The following FNDC3B variants were observed in gnomAD, a reference collection of about 807,000 sequenced individuals.
The protein encoded by FNDC3B is fibronectin type III domain containing 3B.
In FNDC3B, 12 loss-of-function variants were observed where a neutral mutation model predicts 151.5. The observed-to-expected ratio is 0.08, with a 90% CI of 0.05 to 0.13. The LOEUF is 0.13. Ranked by LOEUF, FNDC3B falls within the 10% of genes least tolerant of loss-of-function variation. FNDC3B has a pLI of 1.00. For missense variants in FNDC3B, 1,214 were observed against 1,505.3 expected (o/e 0.81, Z 3.20); for synonymous variants, 528 against 549.0 (o/e 0.96, Z 0.54).
intron 9 of FNDC3B, among the ~76,000 whole-genome samples, chr3:172,300,432 C>T (rs925835926): frequency 1.3e-5 from 2 of 151,510 alleles, no homozygotes; most frequent in African/African-American, 4.9e-5. Context: ...AGAGTCTTCT[C>T]TTTATTTACC....
chr3:172,229,843 G>A (rs975874413), intron 4 of FNDC3B, among the ~76,000 whole-genome samples: 4 of 152,134 alleles, frequency 2.6e-5, no homozygotes, highest in Admixed American at 6.5e-5. Flanking sequence ...ATCTATACCT[G>A]CAAAGAATGA....
intron 3 of FNDC3B, among the ~76,000 whole-genome samples, chr3:172,155,600 C>G (rs1253274213): frequency 6.6e-6 from 1 of 152,188 alleles, no homozygotes; most frequent in Non-Finnish European, 1.5e-5. Flanking sequence ...AGTGTTTTCC[C>G]CTTTCCTGGA....
At chr3:172,050,857 T>G (rs1171295779) in intron 1 of FNDC3B, among the ~76,000 whole-genome samples, 4 of 152,114 alleles carry the variant, frequency 2.6e-5, no homozygotes, top group Non-Finnish European at 5.9e-5. Context: ...CTGTCATTTT[T>G]GTGGCCTACT....
intron 21 of FNDC3B, among the ~76,000 whole-genome samples, chr3:172,351,769 C>T (rs1733868233): frequency 6.6e-6 from 1 of 152,012 alleles, no homozygotes; most frequent in African/African-American, 2.4e-5. Flanking sequence ...GAAAGGTGTC[C>T]AGAGATGACT....
intron 1 of FNDC3B, among the ~76,000 whole-genome samples, chr3:172,098,107 C>T (rs771186454): frequency 1.3e-5 from 2 of 151,370 alleles, no homozygotes; most frequent in Non-Finnish European, 2.9e-5. Flanking sequence ...CGTAAGATAA[C>T]ACTGTTGGAA....
rs116018322 is a variant in FNDC3B, at chr3:172,313,484, G to A, written c.1254+2603G>A. 8.6e-3 allele frequency among the ~76,000 whole-genome samples: 1,307 copies of A among 152,266 alleles called. 25 individuals are homozygous for A. The highest frequency in any genetic ancestry group is 0.03 in the African/African-American group (1,240 of 41,566). Reference sequence around the variant, plus strand: ...TATTTAGGATTGTCTCTTCTGACAAGAGAATATTTGGAATCATTTTCACTG... The same window carrying A: ...TATTTAGGATTGTCTCTTCTGACAAAAGAATATTTGGAATCATTTTCACTG... On this transcript the variant is annotated intron_variant, in intron 11 of 25. Coordinates refer to ENST00000415807, the MANE Select transcript of FNDC3B (RefSeq NM_022763.4).
At position 172,056,420 on chromosome 3, in the gene FNDC3B, T is replaced by C. The variant is rs1716923353; in HGVS notation, c.-29+16649T>C. 2.6e-5 allele frequency among the ~76,000 whole-genome samples: 4 copies of C among 152,230 alleles called. No homozygotes were observed. The South Asian group carries it at 8.3e-4, about 31-fold the overall frequency. ...TGCTTCTTGGGTATTCTTGAGCCCT[T>C]GTCTATAGATAATAGCCGGTTACAA... is the stretch of plus-strand genomic sequence containing the variant. On this transcript the variant is annotated intron_variant, in intron 1 of 25. Transcript: ENST00000415807.
At chr3:172,310,803 A>G (rs1311150302) in intron 10 of FNDC3B, 25 bp from the exon 11 acceptor site, 2 of 1,577,070 alleles carry the variant, frequency 1.3e-6, no homozygotes, top group East Asian at 2.2e-5. Context: ...AACTTTCTCT[A>G]ATCTCATGTT....
intron 6 of FNDC3B, among the ~76,000 whole-genome samples, chr3:172,263,425 A>T (rs1215120901): frequency 3.9e-5 from 6 of 152,098 alleles, no homozygotes; most frequent in Non-Finnish European, 8.8e-5. Context: ...GCACATTTTT[A>T]AAAAATTCAT....
intron 3 of FNDC3B, among the ~76,000 whole-genome samples, chr3:172,180,430 G>T (rs1045558656): frequency 3.9e-5 from 6 of 152,054 alleles, no homozygotes; most frequent in African/African-American, 9.7e-5. Context: ...AGAACCCATG[G>T]TTCCCTCAAG....
At chr3:172,333,478 T>A in intron 14 of FNDC3B, among the ~76,000 whole-genome samples, 1 of 148,024 alleles carries the variant, frequency 6.8e-6, no homozygotes. Context: ...TGTGCCACTA[T>A]GCCCGGCTAA....
chr3:172,379,401 A>C (rs1735318212), intron 24 of FNDC3B, among the ~76,000 whole-genome samples: 2 of 152,250 alleles, frequency 1.3e-5, no homozygotes, highest in South Asian at 4.1e-4. Context: ...CACATGAAGG[A>C]GGTGTGTCAG....
At chr3:172,201,478 A>C (rs1243983722) in intron 3 of FNDC3B, among the ~76,000 whole-genome samples, 1 of 152,150 alleles carries the variant, frequency 6.6e-6, no homozygotes, top group Non-Finnish European at 1.5e-5. Flanking sequence ...TTCTTCTGCC[A>C]CTGGGCTCTT....
chr3:172,215,420 C>T (rs537320459), intron 3 of FNDC3B, among the ~76,000 whole-genome samples: 1 of 152,312 alleles, frequency 6.6e-6, no homozygotes, highest in South Asian at 2.1e-4. Flanking sequence ...GAATGACAGG[C>T]AACCCTGTTA....
At chr3:172,042,076 A>C (rs1340289619) in intron 1 of FNDC3B, among the ~76,000 whole-genome samples, 1 of 146,622 alleles carries the variant, frequency 6.8e-6, no homozygotes, top group African/African-American at 2.5e-5. Context: ...AATTACTTTA[A>C]GATAAAAAAA....
At chr3:172,218,650 C>G (rs1206579228) in intron 3 of FNDC3B, among the ~76,000 whole-genome samples, 1 of 152,220 alleles carries the variant, frequency 6.6e-6, no homozygotes, top group East Asian at 1.9e-4. Context: ...AGTCCTGCAA[C>G]AACCCTTGAA....
chr3:172,366,949 C>T (rs185761718), intron 23 of FNDC3B, among the ~76,000 whole-genome samples: 26 of 152,258 alleles, frequency 1.7e-4, no homozygotes, highest in Non-Finnish European at 3.4e-4. Flanking sequence ...ATTTTCAGAC[C>T]TGGTGCTTTC....
At chr3:172,380,239 A>G (rs1735368946) in intron 24 of FNDC3B, among the ~76,000 whole-genome samples, 1 of 152,140 alleles carries the variant, frequency 6.6e-6, no homozygotes, top group South Asian at 2.1e-4. Context: ...AAAATGTCCT[A>G]TTGAATCAAG....
chr3:172,109,589 C>T (rs935737191), intron 1 of FNDC3B, among the ~76,000 whole-genome samples: 28 of 152,216 alleles, frequency 1.8e-4, no homozygotes, highest in Admixed American at 1.6e-3. Context: ...CTGTTTTCTC[C>T]ATGATCAACG....
Sources: allele counts gnomAD v4.1 joint callset (sites outside exome capture counted in the v4.1 genomes callset), GRCh38; gene constraint gnomAD v4.1.1; transcripts MANE v1.5; gene names NCBI Gene and HGNC (gene_info 2026-07-23, HGNC 2026-07-21).